The following MGAT4C variants were observed in gnomAD, a reference collection of about 807,000 sequenced individuals.
MGAT4C encodes MGAT4 family member C.
MGAT4C carries 19 observed loss-of-function variants against 40.1 expected under a neutral mutation model. The ratio of observed to expected loss-of-function variants is 0.47; its 90% CI spans 0.33 to 0.70. The LOEUF (loss-of-function observed/expected upper bound fraction) is 0.70, where lower values mean the gene tolerates loss of function less well. Ranked by LOEUF, MGAT4C falls within the 30% of genes least tolerant of loss-of-function variation. The probability of loss-of-function intolerance (pLI) is 0.02; values close to 1 mark genes in which losing one functional copy is unlikely to be tolerated. For missense variants in MGAT4C, 491 were observed against 563.2 expected (o/e 0.87, Z 1.30); for synonymous variants, 181 against 187.1 (o/e 0.97, Z 0.27).
chr12:86,831,488 C>A (rs890961491), intron 1 of MGAT4C, among the ~76,000 whole-genome samples: 4 of 151,840 alleles, frequency 2.6e-5, no homozygotes, highest in African/African-American at 9.7e-5. Flanking sequence ...TACAAACACA[C>A]ATGACACCAA....
At chr12:86,002,660 C>G (rs1407921829) in intron 2 of MGAT4C, among the ~76,000 whole-genome samples, 1 of 149,024 alleles carries the variant, frequency 6.7e-6, no homozygotes, top group Non-Finnish European at 1.5e-5. Flanking sequence ...ATATCCCATT[C>G]TATGTATATA....
intron 2 of MGAT4C, among the ~76,000 whole-genome samples, chr12:86,643,526 C>T (rs1963451397): frequency 6.6e-6 from 1 of 151,786 alleles, no homozygotes; most frequent in Admixed American, 6.6e-5. Context: ...GAACGAAATA[C>T]TGACTCATGC....
chr12:86,750,334 G>C lies in MGAT4C; in HGVS notation c.-261-23093C>G, dbSNP rs150823695. Among the ~76,000 whole-genome samples the C allele has an allele frequency of 3.0e-3, 452 of 151,960 alleles. 2 individuals carry two copies. The highest frequency in any genetic ancestry group is 0.011 in the African/African-American group (445 of 41,510). ...TCAGCCTGAAGACATGTTCTTGTTTGTACTGTATGGTGTCTTAAAAGTGAA... is the reference window on the plus strand; with the variant it reads ...TCAGCCTGAAGACATGTTCTTGTTTCTACTGTATGGTGTCTTAAAAGTGAA... On this transcript the variant is annotated intron_variant, in intron 1 of 7. Transcript: ENST00000548651.
rs184339672 is a variant in MGAT4C at position 86,223,900 on chromosome 12, A to T, written c.-57+32339T>A. ...TGTTGCAGTCACTACTATCACTAGC[A>T]CTACCACTTGTGTTCCAGTGAGTTG... On this transcript the variant is annotated intron_variant, in intron 1 of 4. Transcript: ENST00000611864. Among the ~76,000 whole-genome samples, 12 of 152,302 alleles carry T rather than the reference A, an allele frequency of 7.9e-5. No individual in the cohort carries two copies. The South Asian group carries it at 2.3e-3, about 29-fold the overall frequency.
chr12:86,187,864 T>C (rs1888947433), intron 1 of MGAT4C, among the ~76,000 whole-genome samples: 1 of 152,000 alleles, frequency 6.6e-6, no homozygotes, highest in African/African-American at 2.4e-5. Flanking sequence ...TAATTAGTTA[T>C]CTCAAGATTT....
intron 3 of MGAT4C, among the ~76,000 whole-genome samples, chr12:86,362,129 A>G (rs916341996): frequency 2.0e-5 from 3 of 152,234 alleles, no homozygotes; most frequent in East Asian, 3.8e-4. Flanking sequence ...AATGTAGCAC[A>G]TATACACCAT....
chr12:86,391,795 G>C (rs1411879199), intron 3 of MGAT4C, among the ~76,000 whole-genome samples: 1 of 152,102 alleles, frequency 6.6e-6, no homozygotes, highest in Non-Finnish European at 1.5e-5. Flanking sequence ...GGGAGGCGGA[G>C]CTTGCAGTGA....
At chr12:86,465,946 T>A (rs1957674999) in intron 2 of MGAT4C, among the ~76,000 whole-genome samples, 2 of 152,108 alleles carry the variant, frequency 1.3e-5, no homozygotes. Context: ...TGGTGGCTCA[T>A]GCTTGTAATC....
intron 1 of MGAT4C, among the ~76,000 whole-genome samples, chr12:86,233,608 A>G (rs979098106): frequency 2.0e-5 from 3 of 152,164 alleles, no homozygotes; most frequent in African/African-American, 4.8e-5. Flanking sequence ...TGAATTAAGC[A>G]TGCTTGTTAA....
At chr12:86,101,659 A>G (rs1056433192) in intron 1 of MGAT4C, among the ~76,000 whole-genome samples, 1 of 151,848 alleles carries the variant, frequency 6.6e-6, no homozygotes, top group Admixed American at 6.6e-5. Context: ...TCATCTATGT[A>G]GGTAACCAAA....
intron 1 of MGAT4C, among the ~76,000 whole-genome samples, chr12:86,793,310 G>A (rs1205235232): frequency 2.6e-5 from 4 of 152,020 alleles, no homozygotes; most frequent in Non-Finnish European, 4.4e-5. Flanking sequence ...TAAAGCAAAC[G>A]AAATCTTCAG....
At chr12:86,191,649 ACAC>A (rs1889476271) in intron 1 of MGAT4C, among the ~76,000 whole-genome samples, 1 of 117,778 alleles carries the variant, frequency 8.5e-6, no homozygotes, top group East Asian at 2.4e-4. Flanking sequence ...ACACACACAC[ACAC>A]ACACACACAC....
intron 4 of MGAT4C, among the ~76,000 whole-genome samples, chr12:86,283,294 A>G (rs1483352340): frequency 6.6e-6 from 1 of 151,908 alleles, no homozygotes; most frequent in Non-Finnish European, 1.5e-5. Context: ...GATTCTAAAC[A>G]CTGTTGCTTC....
intron 2 of MGAT4C, among the ~76,000 whole-genome samples, chr12:86,463,578 T>A (rs933705183): frequency 2.0e-5 from 3 of 152,152 alleles, no homozygotes; most frequent in Admixed American, 1.3e-4. Context: ...AAAGATCACT[T>A]TTTCAGGGTA....
chr12:86,600,700 C>T (rs547086020), intron 2 of MGAT4C, among the ~76,000 whole-genome samples: 7 of 152,340 alleles, frequency 4.6e-5, no homozygotes, highest in African/African-American at 1.7e-4. Flanking sequence ...GCCAGGGCTG[C>T]GCACTCTGCG....
intron 3 of MGAT4C, among the ~76,000 whole-genome samples, chr12:86,340,242 T>C (rs1274723336): frequency 6.6e-6 from 1 of 152,142 alleles, no homozygotes; most frequent in Non-Finnish European, 1.5e-5. Flanking sequence ...CTATAATTTT[T>C]ATCCACAATG....
chr12:86,160,946 C>A (rs529531401), intron 1 of MGAT4C, among the ~76,000 whole-genome samples: 1 of 152,086 alleles, frequency 6.6e-6, no homozygotes, highest in East Asian at 1.9e-4. Context: ...TCTACTCTAA[C>A]TTTTAGCCTG....
intron 3 of MGAT4C, among the ~76,000 whole-genome samples, chr12:86,399,921 CA>C (rs1450164160): frequency 1.3e-5 from 2 of 152,168 alleles, no homozygotes; most frequent in Non-Finnish European, 2.9e-5. Flanking sequence ...GCAGATTAAT[CA>C]AACCCAAGAA....
chr12:86,403,477 G>A (rs1381151034), intron 3 of MGAT4C, among the ~76,000 whole-genome samples: 1 of 152,180 alleles, frequency 6.6e-6, no homozygotes, highest in Non-Finnish European at 1.5e-5. Flanking sequence ...TTACAGAAAT[G>A]TCAACCACAA....
Sources: gnomAD v4.1 joint callset for allele counts (sites outside exome capture counted in the v4.1 genomes callset) on GRCh38, gnomAD v4.1.1 for gene constraint, MANE v1.5 for transcripts, NCBI Gene and HGNC (gene_info 2026-07-23, HGNC 2026-07-21) for gene names.